LRRC49: variants seen among roughly 807,000 people sequenced by gnomAD.
LRRC49 encodes the protein leucine-rich repeat-containing protein 49.
Under a neutral mutation model 83.3 loss-of-function variants are expected in LRRC49, and 50 were observed. The ratio of observed to expected loss-of-function variants is 0.60; its 90% confidence interval spans 0.48 to 0.76. LRRC49 has a LOEUF of 0.76. Ranked by LOEUF, LRRC49 falls within the 30% of genes least tolerant of loss-of-function variation. LRRC49 has a pLI of 0.00. For synonymous variants in LRRC49, 286 were observed against 283.3 expected, an observed-to-expected ratio of 1.01 and a Z score of -0.10; for missense variants, 704 against 809.1, an observed-to-expected ratio of 0.87 and a Z score of 1.58.
intron 14 of LRRC49, among the ~76,000 whole-genome samples, chr15:71,019,266 C>T (rs1467419559): frequency 6.6e-6 from 1 of 152,140 alleles, no homozygotes; most frequent in African/African-American, 2.4e-5. Flanking sequence ...TTTCCAGTGA[C>T]CAGCCCCCAT....
intron 8 of LRRC49, among the ~76,000 whole-genome samples, chr15:70,943,130 GCTA>G (rs998489475): frequency 5.3e-5 from 8 of 151,958 alleles, no homozygotes; most frequent in African/African-American, 1.9e-4. Context: ...TGTTTTGATA[GCTA>G]CTAGAGAATC....
chr15:70,976,016 A>G (rs1040652511), intron 9 of LRRC49, among the ~76,000 whole-genome samples: 2 of 152,332 alleles, frequency 1.3e-5, no homozygotes, highest in Non-Finnish European at 2.9e-5. Flanking sequence ...GGAAGCCTAT[A>G]TAAAGTTGAG....
At chr15:70,876,837 T>G (rs1158383811) in intron 2 of LRRC49, among the ~76,000 whole-genome samples, 1 of 152,256 alleles carries the variant, frequency 6.6e-6, no homozygotes, top group Non-Finnish European at 1.5e-5. Flanking sequence ...TCTTGTGCTA[T>G]GCTCCAGATT....
Position 70,885,268 on chromosome 15 carries a change from G to A in LRRC49, c.19-8316G>A, listed in dbSNP as rs577215016. Reference sequence around the variant, plus strand: ...AGAAAATGTCATAACAGACATAGGGGATAAGATTTAAAAGTATAACATAAA... The same window carrying A: ...AGAAAATGTCATAACAGACATAGGGAATAAGATTTAAAAGTATAACATAAA... On this transcript the variant is annotated intron_variant, in intron 2 of 16. Coordinates refer to the LRRC49 transcript ENST00000544974. 2.6e-5 allele frequency among the ~76,000 whole-genome samples: 4 copies of A among 152,212 alleles called. No homozygotes were observed. In the South Asian group the frequency reaches 8.3e-4, roughly 32 times the overall value.
chr15:70,939,902 C>A (rs1323761252), intron 8 of LRRC49, among the ~76,000 whole-genome samples: 1 of 141,010 alleles, frequency 7.1e-6, no homozygotes, highest in Middle Eastern at 3.7e-3. Flanking sequence ...CTCTAATGAC[C>A]TTTGTTAGTA....
At chr15:70,879,212 T>A (rs1050671559) in intron 2 of LRRC49, among the ~76,000 whole-genome samples, 7 of 152,352 alleles carry the variant, frequency 4.6e-5, no homozygotes, top group South Asian at 2.1e-4. Context: ...GTTCTTTTTT[T>A]AGTTTCCATC....
At chr15:70,982,977 C>T (rs2037458948) in intron 10 of LRRC49, among the ~76,000 whole-genome samples, 1 of 152,172 alleles carries the variant, frequency 6.6e-6, no homozygotes, top group South Asian at 2.1e-4. Flanking sequence ...GACAGAGAAT[C>T]TTCCTACTAG....
At chr15:70,909,639 G>C (rs951185578) in intron 5 of LRRC49, among the ~76,000 whole-genome samples, 1 of 152,116 alleles carries the variant, frequency 6.6e-6, no homozygotes, top group African/African-American at 2.4e-5. Flanking sequence ...AAGAGATCAA[G>C]ACCATCCTGC....
chr15:71,011,578 A>G (rs556726106), intron 13 of LRRC49, among the ~76,000 whole-genome samples: 21 of 152,272 alleles, frequency 1.4e-4, no homozygotes, highest in African/African-American at 5.1e-4. Context: ...CTTAGATAGT[A>G]ATGTTACACT....
chr15:71,049,088 T>C (rs548426538), intron 15 of LRRC49, among the ~76,000 whole-genome samples: 30 of 152,330 alleles, frequency 2.0e-4, no homozygotes, highest in Non-Finnish European at 3.1e-4. Context: ...TCAGCTGACT[T>C]GTGTGAGCTA....
exon 1 of LRRC49, chr15:70,853,449 G>C (rs988000375): frequency 6.5e-6 from 1 of 154,280 alleles, no homozygotes; most frequent in Non-Finnish European, 1.4e-5. Context: ...GGGAAAGGCA[G>C]GGCGATGATG....
chr15:70,907,536 A>G (rs773429891), intron 5 of LRRC49: 1 of 158,082 alleles, frequency 6.3e-6, no homozygotes, highest in Non-Finnish European at 1.4e-5. Context: ...AATGCATAGA[A>G]CTTCTCTGCA....
upstream of LRRC49, among the ~76,000 whole-genome samples, chr15:70,888,330 G>C (rs1221123473): frequency 6.6e-6 from 1 of 152,148 alleles, no homozygotes; most frequent in Non-Finnish European, 1.5e-5. Flanking sequence ...ACAGATAAGT[G>C]AAACAGAATA....
At chr15:70,907,248 A>G (rs560361924) in intron 5 of LRRC49, among the ~76,000 whole-genome samples, 3 of 152,346 alleles carry the variant, frequency 2.0e-5, no homozygotes, top group African/African-American at 7.2e-5. Context: ...TCTCCTTCCC[A>G]CATTACAAAG....
intron 9 of LRRC49, among the ~76,000 whole-genome samples, chr15:70,976,151 T>G (rs117428576): frequency 0.042 from 6,445 of 152,310 alleles, 163 homozygotes; most frequent in Non-Finnish European, 0.056. Flanking sequence ...TTTGAAGTTG[T>G]TACAGCAGCA....
intron 3 of LRRC49, among the ~76,000 whole-genome samples, chr15:70,896,142 T>C (rs2033827140): frequency 6.6e-6 from 1 of 152,104 alleles, no homozygotes; most frequent in South Asian, 2.1e-4. Context: ...AAAGCTGTTA[T>C]TATTTTACTT....
In LRRC49 at chr15:70,892,867, T is replaced by C. The variant is rs1335432031; in HGVS notation, c.-28T>C. The C allele has an allele frequency of 3.1e-6, 5 of 1,614,072 alleles. No individual in the cohort carries two copies. In the African/African-American group the frequency reaches 6.7e-5, roughly 22 times the overall value. On this transcript the variant is annotated 5_prime_UTR_variant, in exon 1 of 16. Coordinates refer to ENST00000260382, the MANE Select transcript of LRRC49 (RefSeq NM_017691.5). The stretch of plus-strand genomic sequence containing the variant: ...TGTAGCGTCACCTGGAAGGCAGATC[T>C]AACAGAGAACCTGGACTGTCTCCTA...
intron 8 of LRRC49, among the ~76,000 whole-genome samples, chr15:70,938,240 A>G (rs974347038): frequency 7.9e-5 from 12 of 152,226 alleles, no homozygotes; most frequent in Non-Finnish European, 1.6e-4. Context: ...TTGGTTGCCT[A>G]TATCTGGGAA....
chr15:70,995,798 A>G (rs2038055807), intron 11 of LRRC49, among the ~76,000 whole-genome samples: 1 of 152,230 alleles, frequency 6.6e-6, no homozygotes, highest in South Asian at 2.1e-4. Context: ...TCTCAAAACA[A>G]GCAAGCTGTT....
Sources: gnomAD v4.1 joint callset for allele counts (sites outside exome capture counted in the v4.1 genomes callset) on GRCh38, gnomAD v4.1.1 for gene constraint, MANE v1.5 for transcripts, NCBI Gene and HGNC (gene_info 2026-07-23, HGNC 2026-07-21) for gene names.